TBC1D4: variants seen among roughly 807,000 people sequenced by gnomAD.
TBC1D4 encodes the protein TBC (Tre-2, BUB2, CDC16) domain-containing protein.
A neutral mutation model predicts 142.5 loss-of-function variants in TBC1D4; 121 were observed. The ratio of observed to expected loss-of-function variants is 0.85; its 90% CI spans 0.73 to 0.99. The LOEUF is 0.99. Ranked by LOEUF, TBC1D4 falls within the 50% of genes least tolerant of loss-of-function variation. TBC1D4 has a pLI of 0.00. For synonymous variants in TBC1D4, 630 were observed against 628.2 expected, an observed-to-expected ratio of 1.00 and a Z score of -0.04; for missense variants, 1,475 against 1,606.6, an observed-to-expected ratio of 0.92 and a Z score of 1.40.
intron 2 of TBC1D4, among the ~76,000 whole-genome samples, chr13:75,360,988 T>G (rs1269909039): frequency 6.6e-6 from 1 of 152,206 alleles, no homozygotes; most frequent in Non-Finnish European, 1.5e-5. Flanking sequence ...AAAAAGACAG[T>G]CACTCTTTTC....
intron 1 of TBC1D4, among the ~76,000 whole-genome samples, chr13:75,479,592 G>A (rs546896665): frequency 2.0e-5 from 3 of 151,886 alleles, no homozygotes; most frequent in Admixed American, 6.6e-5. Context: ...ATCAGATGTC[G>A]CTGGGGGGAA....
At position 75,481,828 on chromosome 13, in the gene TBC1D4, G is replaced by T; in HGVS notation, c.-61C>A. ...CGGGCGCACCGCGCCCCCCACTCCC[G>T]CGCAGAAGGCGCCGCCGAAACTGTG... On this transcript the variant is annotated 5_prime_UTR_variant, in exon 1 of 21. Coordinates refer to ENST00000377636, the MANE Select transcript of TBC1D4 (RefSeq NM_014832.5). 7.1e-7 allele frequency: 1 copy of T among 1,417,436 alleles called. No individual in the cohort carries two copies. The highest frequency in any genetic ancestry group is 9.1e-7 in the Non-Finnish European group (1 of 1,094,852). 87.8% of individuals were successfully genotyped at this position (1,417,436 alleles called of 1,614,324 possible).
intron 1 of TBC1D4, among the ~76,000 whole-genome samples, chr13:75,403,590 C>T (rs1885200572): frequency 6.6e-6 from 1 of 152,144 alleles, no homozygotes; most frequent in African/African-American, 2.4e-5. Flanking sequence ...AGAAAATGAG[C>T]TACTCCTTAC....
At chr13:75,326,555 C>G in intron 9 of TBC1D4, 132 bp from the exon 10 acceptor site, 1 of 928,854 alleles carries the variant, frequency 1.1e-6, no homozygotes. Flanking sequence ...TTTCCTCCCC[C>G]TTTTACTTAA....
intron 1 of TBC1D4, among the ~76,000 whole-genome samples, chr13:75,377,081 C>A (rs374798651): frequency 1.1e-4 from 16 of 152,324 alleles, no homozygotes; most frequent in African/African-American, 3.8e-4. Flanking sequence ...ATTTTTCTGT[C>A]TGATTCAAAG....
intron 1 of TBC1D4, among the ~76,000 whole-genome samples, chr13:75,387,107 T>C (rs899640668): frequency 6.6e-6 from 1 of 152,004 alleles, no homozygotes; most frequent in African/African-American, 2.4e-5. Flanking sequence ...CAAATAATTA[T>C]ATAATAAATA....
At chr13:75,475,624 T>C (rs992659675) in intron 1 of TBC1D4, among the ~76,000 whole-genome samples, 2 of 152,212 alleles carry the variant, frequency 1.3e-5, no homozygotes, top group African/African-American at 4.8e-5. Flanking sequence ...ACTTATGAGG[T>C]AAATAATATA....
intron 1 of TBC1D4, 60 bp downstream of exon 1, chr13:75,481,210 C>CG: frequency 6.7e-7 from 1 of 1,488,000 alleles, no homozygotes; most frequent in Non-Finnish European, 9.1e-7. Flanking sequence ...GCCCCTCCCG[C>CG]CCTGCTCCCC....
chr13:75,408,017 CT>C lies in TBC1D4; in HGVS notation c.499-45411del, dbSNP rs145214137. On this transcript the variant is annotated intron_variant, in intron 1 of 20. Coordinates refer to ENST00000377636, the MANE Select transcript of TBC1D4 (RefSeq NM_014832.5). ...TTCACCTTTTCAAAGCATACGGTCA[CT>C]GCTTTTTAGCATATTTACAAAGTTG... Among the ~76,000 whole-genome samples, 252 of 152,278 alleles carry C rather than the reference CT, an allele frequency of 1.7e-3. 3 individuals are homozygous for C. The highest frequency in any genetic ancestry group is 5.7e-3 in the African/African-American group (238 of 41,542).
chr13:75,310,887 G>A (rs1284059540), intron 13 of TBC1D4, among the ~76,000 whole-genome samples: 1 of 152,124 alleles, frequency 6.6e-6, no homozygotes, highest in Non-Finnish European at 1.5e-5. Context: ...CCGCTTATAA[G>A]TGAGAACATG....
chr13:75,420,476 G>A (rs982063828), intron 1 of TBC1D4, among the ~76,000 whole-genome samples: 4 of 152,144 alleles, frequency 2.6e-5, no homozygotes, highest in Non-Finnish European at 5.9e-5. Context: ...ACAAATCTAC[G>A]TGTATAAACT....
At chr13:75,424,768 T>C (rs1187935490) in intron 1 of TBC1D4, among the ~76,000 whole-genome samples, 1 of 152,202 alleles carries the variant, frequency 6.6e-6, no homozygotes, top group Non-Finnish European at 1.5e-5. Context: ...TGGGAATGGA[T>C]AGCCTCTTCA....
intron 1 of TBC1D4, 75 bp downstream of exon 1, chr13:75,481,195 T>TCC: frequency 1.1e-5 from 14 of 1,292,704 alleles, no homozygotes; most frequent in East Asian, 5.8e-5. Context: ...TAAAGTGGGG[T>TCC]CCCCGCCCCT....
In TBC1D4 at chr13:75,411,305, G is replaced by A. The variant is rs76983318; in HGVS notation, c.499-48698C>T. On this transcript the variant is annotated intron_variant, in intron 1 of 20. Transcript: ENST00000377636. ...AGTTACCACTTAGTATGAAACAGGA[G>A]GGCTTAACGTAAAATCTCATTAATA... Among the ~76,000 whole-genome samples the A allele has an allele frequency of 4.1e-3, 625 of 152,192 alleles. 4 individuals are homozygous for A. The highest frequency in any genetic ancestry group is 0.014 in the African/African-American group (591 of 41,514).
In TBC1D4 at chr13:75,481,827, C is replaced by G; in HGVS notation, c.-60G>C. 1 of 1,422,860 alleles carries G rather than the reference C, an allele frequency of 7.0e-7. No homozygotes were observed. Among genetic ancestry groups the G allele is most frequent in the Non-Finnish European group, 9.1e-7 (1 of 1,097,584 alleles). The allele number at this position is 1,422,860 out of a possible 1,614,324, so 88.1% of individuals were successfully genotyped here. On this transcript the variant is annotated 5_prime_UTR_variant, in exon 1 of 21. Transcript: ENST00000377636. ...CCGGGCGCACCGCGCCCCCCACTCCCGCGCAGAAGGCGCCGCCGAAACTGT... is the reference window on the plus strand; with the variant it reads ...CCGGGCGCACCGCGCCCCCCACTCCGGCGCAGAAGGCGCCGCCGAAACTGT...
chr13:75,302,533 A>G (rs1876686737), intron 15 of TBC1D4, 132 bp from the exon 16 acceptor site: 1 of 1,014,404 alleles, frequency 9.9e-7, no homozygotes, highest in Non-Finnish European at 1.5e-6. Flanking sequence ...ACCACACAAT[A>G]TAATTGACAG....
intron 1 of TBC1D4, among the ~76,000 whole-genome samples, chr13:75,411,679 A>G (rs930459287): frequency 6.6e-6 from 1 of 151,548 alleles, no homozygotes; most frequent in Non-Finnish European, 1.5e-5. Flanking sequence ...GCACATCACC[A>G]TATCTGGCTA....
chr13:75,470,386 G>A (rs1360689256), intron 1 of TBC1D4, among the ~76,000 whole-genome samples: 1 of 152,150 alleles, frequency 6.6e-6, no homozygotes, highest in East Asian at 1.9e-4. Context: ...GCACCAGACT[G>A]GCAGCATCAA....
intron 12 of TBC1D4, among the ~76,000 whole-genome samples, chr13:75,313,899 C>G (rs1878031276): frequency 6.6e-6 from 1 of 152,174 alleles, no homozygotes; most frequent in Admixed American, 6.5e-5. Context: ...TGCACTGTAC[C>G]TCTCCAACAG....
Sources: gnomAD v4.1 joint callset for allele counts (sites outside exome capture counted in the v4.1 genomes callset) on GRCh38, gnomAD v4.1.1 for gene constraint, MANE v1.5 for transcripts, NCBI Gene and HGNC (gene_info 2026-07-23, HGNC 2026-07-21) for gene names.